SRBD1: variants seen among roughly 807,000 people sequenced by gnomAD.
The protein encoded by SRBD1 is S1 RNA binding domain 1.
In SRBD1, 88 loss-of-function variants were observed where a neutral mutation model predicts 115.3. The observed-to-expected ratio is 0.76, with a 90% CI of 0.64 to 0.91. The LOEUF (loss-of-function observed/expected upper bound fraction) is 0.91, where lower values mean the gene tolerates loss of function less well. Ranked by LOEUF, SRBD1 falls within the 40% of genes least tolerant of loss-of-function variation. The pLI is 0.00. For synonymous variants in SRBD1, 509 were observed against 407.7 expected (o/e 1.25, Z -2.99); for missense variants, 1,385 against 1,177.4 (o/e 1.18, Z -2.58).
At chr2:45,432,799 G>C (rs1021635854) in intron 16 of SRBD1, among the ~76,000 whole-genome samples, 5 of 152,112 alleles carry the variant, frequency 3.3e-5, no homozygotes, top group South Asian at 2.1e-4. Context: ...TAAAATTTAT[G>C]AGATTTTTAC....
chr2:45,545,885 C>T (rs1396889909), intron 14 of SRBD1, among the ~76,000 whole-genome samples: 1 of 152,178 alleles, frequency 6.6e-6, no homozygotes, highest in African/African-American at 2.4e-5. Context: ...TACACAAATC[C>T]TAGAATTCTT....
chr2:45,600,261 G>A (rs1674051482), intron 3 of SRBD1, among the ~76,000 whole-genome samples: 1 of 152,032 alleles, frequency 6.6e-6, no homozygotes, highest in African/African-American at 2.4e-5. Flanking sequence ...TTTTATCAAT[G>A]TATCTCGGTT....
chr2:45,426,587 C>G (rs567452274), intron 16 of SRBD1, among the ~76,000 whole-genome samples: 1 of 152,280 alleles, frequency 6.6e-6, no homozygotes, highest in Non-Finnish European at 1.5e-5. Flanking sequence ...CGATAGACAT[C>G]TCATACAGGA....
chr2:45,406,812 C>A (rs72878843), intron 19 of SRBD1, among the ~76,000 whole-genome samples: 2,035 of 151,986 alleles, frequency 0.013, 47 homozygotes, highest in African/African-American at 0.047. Context: ...AAAGAAAAGG[C>A]AGTGTCAAAT....
intron 14 of SRBD1, among the ~76,000 whole-genome samples, chr2:45,511,869 A>G (rs542398377): frequency 6.6e-6 from 1 of 152,324 alleles, no homozygotes; most frequent in Non-Finnish European, 1.5e-5. Context: ...CAAGACTGCT[A>G]GAATCCAGTT....
intron 19 of SRBD1, among the ~76,000 whole-genome samples, chr2:45,402,301 A>C (rs1226729408): frequency 6.6e-6 from 1 of 152,194 alleles, no homozygotes; most frequent in Non-Finnish European, 1.5e-5. Flanking sequence ...GCTTTTGTAC[A>C]GAAGTTTCTT....
At chr2:45,488,599 A>T (rs1398543502) in intron 14 of SRBD1, among the ~76,000 whole-genome samples, 1 of 152,214 alleles carries the variant, frequency 6.6e-6, no homozygotes, top group Non-Finnish European at 1.5e-5. Flanking sequence ...CACTGGTAAC[A>T]ATAGATGGTT....
intron 14 of SRBD1, among the ~76,000 whole-genome samples, chr2:45,521,718 G>T (rs1359336200): frequency 6.6e-6 from 1 of 152,108 alleles, no homozygotes; most frequent in Non-Finnish European, 1.5e-5. Flanking sequence ...TCAAATCCCA[G>T]CACTTTAGGT....
chr2:45,511,999 A>G (rs896507036), intron 14 of SRBD1, among the ~76,000 whole-genome samples: 1 of 152,230 alleles, frequency 6.6e-6, no homozygotes, highest in East Asian at 1.9e-4. Context: ...TGAGACACAC[A>G]GCATGGCTAC....
chr2:45,571,573 TACA>T (rs569391293), intron 9 of SRBD1, among the ~76,000 whole-genome samples: 12 of 136,738 alleles, frequency 8.8e-5, no homozygotes, highest in Non-Finnish European at 1.7e-4. Flanking sequence ...ACATTGACCT[TACA>T]AAACAAAGAT....
intron 5 of SRBD1, among the ~76,000 whole-genome samples, chr2:45,583,115 A>G (rs912067524): frequency 1.3e-5 from 2 of 152,142 alleles, no homozygotes; most frequent in African/African-American, 4.8e-5. Flanking sequence ...GAATCTGCCT[A>G]ATAATGGTAT....
At position 45,574,978 on chromosome 2, in the gene SRBD1, C is replaced by T. The variant is rs117528530; in HGVS notation, c.1073-255G>A. Among the ~76,000 whole-genome samples, 269 of 152,268 alleles carry T rather than the reference C, an allele frequency of 1.8e-3. 8 individuals are homozygous for T. In the East Asian group the frequency reaches 0.048, roughly 27 times the overall value. On this transcript the variant is annotated intron_variant, in intron 7 of 20. Transcript: ENST00000263736. ...GCATCTCTGGAGCCAGCTGCCTTGT[C>T]GAATCCTGGTTCTACCATTTGCCAG... is the stretch of plus-strand genomic sequence containing the variant.
chr2:45,410,786 A>G (rs1029585175), intron 19 of SRBD1, among the ~76,000 whole-genome samples: 8 of 152,168 alleles, frequency 5.3e-5, no homozygotes, highest in African/African-American at 1.9e-4. Flanking sequence ...GAAACCTACT[A>G]AAAACCCAAA....
At chr2:45,476,864 A>C (rs1219657752) in intron 16 of SRBD1, 129 bp downstream of exon 16, 1 of 753,048 alleles carries the variant, frequency 1.3e-6, no homozygotes, top group Non-Finnish European at 2.1e-6. Context: ...TAAAACTCCT[A>C]CTTTCCACAA....
chr2:45,470,643 G>A (rs1482938695), intron 16 of SRBD1, among the ~76,000 whole-genome samples: 1 of 152,162 alleles, frequency 6.6e-6, no homozygotes, highest in Non-Finnish European at 1.5e-5. Context: ...TTCAGGATAT[G>A]ACAAGGCCAA....
chr2:45,407,280 T>C (rs1343075105), intron 19 of SRBD1, among the ~76,000 whole-genome samples: 2 of 152,218 alleles, frequency 1.3e-5, no homozygotes, highest in Non-Finnish European at 2.9e-5. Flanking sequence ...ATTCCAAAGC[T>C]AGCCTGAGCT....
At chr2:45,580,241 T>C (rs1242449558) in intron 6 of SRBD1, among the ~76,000 whole-genome samples, 2 of 152,228 alleles carry the variant, frequency 1.3e-5, no homozygotes, top group African/African-American at 2.4e-5. Flanking sequence ...ATTAGTTGCT[T>C]GGTTTCACTC....
intron 15 of SRBD1, among the ~76,000 whole-genome samples, chr2:45,486,734 A>AAAAAT (rs1296196487): frequency 4.9e-4 from 74 of 151,108 alleles, no homozygotes; most frequent in Middle Eastern, 3.4e-3. Flanking sequence ...CCATCTCAAA[A>AAAAAT]AAAATAAAAT....
intron 10 of SRBD1, among the ~76,000 whole-genome samples, chr2:45,557,682 A>T (rs1181808172): frequency 1.3e-5 from 2 of 152,164 alleles, no homozygotes; most frequent in African/African-American, 4.8e-5. Flanking sequence ...GCTTCCTGGG[A>T]TTTATTGAAG....
Sources: allele counts gnomAD v4.1 joint callset (sites outside exome capture counted in the v4.1 genomes callset), GRCh38; gene constraint gnomAD v4.1.1; transcripts MANE v1.5; gene names NCBI Gene and HGNC (gene_info 2026-07-23, HGNC 2026-07-21).